The following CAPN14 variants were observed in gnomAD, a reference collection of about 807,000 sequenced individuals.
CAPN14 encodes calpain 14.
Under a neutral mutation model 101.3 loss-of-function variants are expected in CAPN14, and 94 were observed. The ratio of observed to expected loss-of-function variants is 0.93; its 90% CI spans 0.79 to 1.10. The LOEUF (loss-of-function observed/expected upper bound fraction) is 1.10. CAPN14 is among the 50% of genes least tolerant of loss of function. CAPN14 has a pLI of 0.00. For synonymous variants in CAPN14, 338 were observed against 317.9 expected (o/e 1.06, Z -0.67); for missense variants, 837 against 828.4 (o/e 1.01, Z -0.13).
intron 12 of CAPN14, chr2:31,189,816 T>C: frequency 2.1e-6 from 1 of 467,582 alleles, no homozygotes; most frequent in Admixed American, 2.3e-5. Context: ...GGTTAGGTCA[T>C]CTGCCCAGAG....
At chr2:31,197,045 A>C (rs950170720) in intron 8 of CAPN14, among the ~76,000 whole-genome samples, 2 of 152,198 alleles carry the variant, frequency 1.3e-5, no homozygotes, top group South Asian at 4.1e-4. Context: ...AACAAACATC[A>C]GCTTTAATTA....
At chr2:31,194,765 T>C (rs1296810347) in intron 8 of CAPN14, among the ~76,000 whole-genome samples, 1 of 152,222 alleles carries the variant, frequency 6.6e-6, no homozygotes, top group East Asian at 1.9e-4. Flanking sequence ...TTAGGTCATT[T>C]GCTTGAAGTC....
At chr2:31,188,893 A>G (rs984052863) in intron 13 of CAPN14, among the ~76,000 whole-genome samples, 2 of 152,116 alleles carry the variant, frequency 1.3e-5, no homozygotes, top group African/African-American at 2.4e-5. Context: ...GGACCATGGG[A>G]GTTGGCTCAA....
intron 8 of CAPN14, 51 bp from the exon 9 acceptor site, chr2:31,194,534 C>A (rs1572409425): frequency 7.8e-7 from 1 of 1,276,272 alleles, no homozygotes; most frequent in East Asian, 2.5e-5. Flanking sequence ...GCTAGAAATT[C>A]TTTAGTAAAG....
At position 31,174,641 on chromosome 2, in the gene CAPN14, A is replaced by G; in HGVS notation, c.*40T>C. The stretch of plus-strand genomic sequence containing the variant: ...CAGCCAAAGGCTGCTCTTGGGCCAC[A>G]TGCAGAGTCTTCAGTGAGGGCAGGT... On this transcript the variant is annotated 3_prime_UTR_variant, in exon 22 of 22. Coordinates refer to ENST00000403897, the MANE Select transcript of CAPN14 (RefSeq NM_001145122.2). 6 of 1,550,690 alleles carry G rather than the reference A, an allele frequency of 3.9e-6. No individual in the cohort carries two copies. The highest frequency in any genetic ancestry group is 4.4e-6 in the Non-Finnish European group (5 of 1,146,370).
chr2:31,212,686 C>T (rs115125956), intron 1 of CAPN14, among the ~76,000 whole-genome samples: 13 of 152,234 alleles, frequency 8.5e-5, no homozygotes, highest in African/African-American at 3.1e-4. Flanking sequence ...TCTTGAGTCC[C>T]TGCCCTGATG....
chr2:31,206,028 TTA>T lies in CAPN14; in HGVS notation c.-52-531_-52-530del, dbSNP rs200934501. On this transcript the variant is annotated intron_variant, in intron 1 of 21. Coordinates refer to ENST00000403897, the MANE Select transcript of CAPN14 (RefSeq NM_001145122.2). ...TCCTCCTACATTATCTTTATTTTTTTTATTTATTTATTTTTTTTTTTTGAGAC... is the reference window on the plus strand; with the variant it reads ...TCCTCCTACATTATCTTTATTTTTTTTTTATTTATTTTTTTTTTTTGAGAC... Among the ~76,000 whole-genome samples the T allele has an allele frequency of 2.9e-4, 36 of 123,602 alleles. 4 individuals are homozygous for T. Among genetic ancestry groups the T allele is most frequent in the Admixed American group, 3.4e-4 (4 of 11,680 alleles). 81.1% of individuals were successfully genotyped at this position (123,602 alleles called of 152,430 possible).
intron 1 of CAPN14, among the ~76,000 whole-genome samples, chr2:31,209,122 A>T (rs902098896): frequency 6.8e-6 from 1 of 147,484 alleles, no homozygotes; most frequent in Non-Finnish European, 1.5e-5. Context: ...GGCTCATGCC[A>T]CCATGCGCAG....
At chr2:31,221,030 A>G (rs766922631), upstream of CAPN14, among the ~76,000 whole-genome samples, 2 of 152,218 alleles carry the variant, frequency 1.3e-5, no homozygotes, top group Non-Finnish European at 2.9e-5. Flanking sequence ...TTTGTGGGGT[A>G]GCTCATAAAT....
At chr2:31,184,182 C>T (rs955607366) in intron 16 of CAPN14, among the ~76,000 whole-genome samples, 5 of 152,188 alleles carry the variant, frequency 3.3e-5, no homozygotes, top group Admixed American at 6.5e-5. Context: ...CGCGCCCGGC[C>T]CTCCTCAGGT....
intron 21 of CAPN14, 127 bp downstream of exon 21, chr2:31,176,460 T>C (rs1680291964): frequency 4.4e-6 from 3 of 686,340 alleles, no homozygotes; most frequent in South Asian, 1.8e-5. Flanking sequence ...GCAATGAATG[T>C]AGTGCTCAAT....
intron 16 of CAPN14, among the ~76,000 whole-genome samples, chr2:31,181,985 A>T (rs1230337686): frequency 1.3e-5 from 2 of 151,860 alleles, no homozygotes; most frequent in Non-Finnish European, 2.9e-5. Flanking sequence ...ATAAACATAC[A>T]TGTGCATGTG....
chr2:31,200,816 C>T (rs1681721238), intron 5 of CAPN14, among the ~76,000 whole-genome samples, 191 bp from the exon 6 acceptor site: 1 of 152,106 alleles, frequency 6.6e-6, no homozygotes. Context: ...ATAGATAAAA[C>T]TTAGAGGCAT....
At chr2:31,181,093 T>G in intron 16 of CAPN14, 93 bp from the exon 17 acceptor site, 2 of 944,266 alleles carry the variant, frequency 2.1e-6, no homozygotes, top group Admixed American at 4.3e-5. Flanking sequence ...ATGGGCCAGC[T>G]GATGACCACC....
At chr2:31,201,750 C>A in intron 5 of CAPN14, 112 bp downstream of exon 5, 1 of 1,356,756 alleles carries the variant, frequency 7.4e-7, no homozygotes, top group South Asian at 1.4e-5. Context: ...TTGGCTAAGA[C>A]ATGCCTCAGG....
chr2:31,205,161 G>T, intron 2 of CAPN14, 62 bp downstream of exon 2: 2 of 1,386,542 alleles, frequency 1.4e-6, no homozygotes, highest in Non-Finnish European at 2.0e-6. Flanking sequence ...TATCTTAGGC[G>T]CAGTATCTGA....
intron 1 of CAPN14, among the ~76,000 whole-genome samples, chr2:31,229,169 T>C (rs1458324959): frequency 6.6e-6 from 1 of 152,108 alleles, no homozygotes; most frequent in Non-Finnish European, 1.5e-5. Flanking sequence ...AGATTCAGGA[T>C]AGGGGTCCCC....
intron 8 of CAPN14, 112 bp downstream of exon 8, chr2:31,197,137 C>T (rs1010189062): frequency 1.4e-6 from 1 of 695,730 alleles, no homozygotes; most frequent in Non-Finnish European, 2.5e-6. Context: ...CTAAAGGCTT[C>T]CTGATCCAGC....
In CAPN14 at chr2:31,193,415, A is replaced by G. The variant is rs538109197; in HGVS notation, c.951-121T>C. 5.3e-4 allele frequency: 526 copies of G among 991,180 alleles called. 1 individual carries two copies. In the African/African-American group the frequency reaches 7.7e-3, roughly 14 times the overall value. The allele number at this position is 991,180 out of a possible 1,614,324, so 61.4% of individuals were successfully genotyped here. The stretch of plus-strand genomic sequence containing the variant: ...CAGCCCTCTCATGGACAAAGACACC[A>G]GCTCTTGTGCAGAGCTGAGCTGACG... On this transcript the variant is annotated intron_variant, in intron 9 of 21. Transcript: ENST00000403897.
Sources: allele counts gnomAD v4.1 joint callset (sites outside exome capture counted in the v4.1 genomes callset), GRCh38; gene constraint gnomAD v4.1.1; transcripts MANE v1.5; gene names NCBI Gene and HGNC (gene_info 2026-07-23, HGNC 2026-07-21).